SMOC1: variants seen among roughly 807,000 people sequenced by gnomAD.
SMOC1 encodes the protein SPARC related modular calcium binding 1.
A neutral mutation model predicts 56.3 loss-of-function variants in SMOC1; 22 were observed. The ratio of observed to expected loss-of-function variants is 0.39; its 90% CI spans 0.28 to 0.56. SMOC1 has a LOEUF of 0.56. Ranked by LOEUF, SMOC1 falls within the 20% of genes least tolerant of loss-of-function variation. The probability of loss-of-function intolerance (pLI) is 0.61; values close to 1 mark genes in which losing one functional copy is unlikely to be tolerated. For synonymous variants in SMOC1, 193 were observed against 215.0 expected (o/e 0.90, Z 0.89); for missense variants, 509 against 565.4 (o/e 0.90, Z 1.01).
chr14:69,937,957 C>T (rs190133), intron 1 of SMOC1, among the ~76,000 whole-genome samples: 90,675 of 151,936 alleles, frequency 0.6, 27,837 homozygotes, highest in African/African-American at 0.73. Context: ...TTTGTTTTAG[C>T]CTGCACTTGC....
chr14:70,023,120 G>A (rs764496081), intron 10 of SMOC1, 83 bp from the exon 11 acceptor site: 57 of 1,605,844 alleles, frequency 3.5e-5, no homozygotes, highest in Non-Finnish European at 1.3e-5. Flanking sequence ...CTGACTTTCT[G>A]GGGGCAGTCA....
chr14:69,976,939 G>C (rs1331794517), intron 4 of SMOC1, among the ~76,000 whole-genome samples: 1 of 152,094 alleles, frequency 6.6e-6, no homozygotes, highest in Admixed American at 6.5e-5. Context: ...CAAATTTACA[G>C]GTCAAAAAGG....
intron 1 of SMOC1, among the ~76,000 whole-genome samples, chr14:69,926,524 G>A (rs549587860): frequency 6.6e-6 from 1 of 152,332 alleles, no homozygotes; most frequent in East Asian, 1.9e-4. Context: ...TCCTTCTCCT[G>A]CTAAAGCGCT....
At chr14:70,012,674 G>A (rs1325948109) in intron 9 of SMOC1, among the ~76,000 whole-genome samples, 4 of 152,178 alleles carry the variant, frequency 2.6e-5, no homozygotes, top group East Asian at 1.9e-4. Flanking sequence ...GCTGGTGATC[G>A]TGACTTTATA....
chr14:70,008,525 C>G (rs567723092), intron 7 of SMOC1, among the ~76,000 whole-genome samples: 9 of 152,200 alleles, frequency 5.9e-5, no homozygotes, highest in Non-Finnish European at 1.3e-4. Flanking sequence ...AGAAATCCAT[C>G]AACAGGGCCC....
chr14:69,885,755 G>A (rs1226007249), intron 1 of SMOC1: 14 of 1,497,774 alleles, frequency 9.3e-6, no homozygotes, highest in Non-Finnish European at 1.2e-5. Flanking sequence ...TCTCTTCTTC[G>A]GGACGTCCCC....
chr14:69,986,592 T>C (rs1884372797), intron 5 of SMOC1, among the ~76,000 whole-genome samples: 1 of 152,148 alleles, frequency 6.6e-6, no homozygotes. Flanking sequence ...TCTTTGCAAC[T>C]TCCTGTGAAT....
At chr14:69,930,097 G>T (rs757898423) in intron 1 of SMOC1, among the ~76,000 whole-genome samples, 34 of 144,346 alleles carry the variant, frequency 2.4e-4, no homozygotes, top group Non-Finnish European at 4.7e-4. Flanking sequence ...TGCTTCTGCT[G>T]CTTGGCTTCT....
intron 7 of SMOC1, among the ~76,000 whole-genome samples, chr14:70,004,992 G>T (rs886538098): frequency 6.6e-6 from 1 of 152,182 alleles, no homozygotes; most frequent in Admixed American, 6.5e-5. Flanking sequence ...ACCAATAACT[G>T]CTGACTGCAT....
chr14:69,890,270 ATAGAATTTTCAATAAAGG>A (rs1445640255), intron 1 of SMOC1, among the ~76,000 whole-genome samples: 1 of 152,262 alleles, frequency 6.6e-6, no homozygotes, highest in African/African-American at 2.4e-5. Flanking sequence ...TTATTGAATA[ATAGAATTTTCAATAAAGG>A]TAGATATGTC....
At chr14:69,996,705 G>A (rs538083767) in intron 7 of SMOC1, among the ~76,000 whole-genome samples, 3 of 152,372 alleles carry the variant, frequency 2.0e-5, no homozygotes, top group South Asian at 4.1e-4. Context: ...TGACAGGATA[G>A]TTGGGAGAGA....
chr14:69,973,403 T>C (rs1883846695), intron 3 of SMOC1, among the ~76,000 whole-genome samples: 1 of 152,212 alleles, frequency 6.6e-6, no homozygotes, highest in Admixed American at 6.5e-5. Flanking sequence ...ATGTATCTAG[T>C]TCATAACTGG....
At chr14:69,985,535 A>G (rs1005994581) in intron 5 of SMOC1, among the ~76,000 whole-genome samples, 1 of 152,264 alleles carries the variant, frequency 6.6e-6, no homozygotes, top group Non-Finnish European at 1.5e-5. Flanking sequence ...ACTGTGGCAC[A>G]GTAGTACTGC....
intron 1 of SMOC1, among the ~76,000 whole-genome samples, chr14:69,889,225 A>G (rs1012180930): frequency 6.6e-6 from 1 of 152,064 alleles, no homozygotes. Context: ...TGTGCCCTAG[A>G]CCTCAGCAGG....
At chr14:69,974,538 A>C (rs1044088062) in intron 3 of SMOC1, among the ~76,000 whole-genome samples, 1 of 152,156 alleles carries the variant, frequency 6.6e-6, no homozygotes, top group Admixed American at 6.5e-5. Context: ...GAGGCAGATC[A>C]CAGAGGACCT....
chr14:69,928,486 C>T (rs1247652357), intron 1 of SMOC1, among the ~76,000 whole-genome samples: 1 of 152,180 alleles, frequency 6.6e-6, no homozygotes, highest in Non-Finnish European at 1.5e-5. Context: ...GGGTCCGACC[C>T]AGCCCAGACA....
chr14:69,961,272 G>GTATATATATATA (rs35703501), intron 3 of SMOC1, among the ~76,000 whole-genome samples: 26 of 74,964 alleles, frequency 3.5e-4, no homozygotes, highest in Non-Finnish European at 4.2e-4. Flanking sequence ...ATTCTATTGT[G>GTATATATATATA]TATATATATA....
chr14:69,947,740 A>T (rs948645564), intron 1 of SMOC1, among the ~76,000 whole-genome samples: 1 of 152,142 alleles, frequency 6.6e-6, no homozygotes, highest in African/African-American at 2.4e-5. Context: ...AACTTAAATT[A>T]ACTAAAATTA....
At chr14:69,956,662 C>A (rs1157288429) in intron 3 of SMOC1, among the ~76,000 whole-genome samples, 2 of 152,096 alleles carry the variant, frequency 1.3e-5, no homozygotes, top group Non-Finnish European at 2.9e-5. Flanking sequence ...CTTGAGACCA[C>A]ATGACTGACT....
Sources: allele counts gnomAD v4.1 joint callset (sites outside exome capture counted in the v4.1 genomes callset), GRCh38; gene constraint gnomAD v4.1.1; transcripts MANE v1.5; gene names NCBI Gene and HGNC (gene_info 2026-07-23, HGNC 2026-07-21).